The following ERCC1 variants were observed in gnomAD, a reference collection of about 807,000 sequenced individuals.
ERCC1 encodes the protein ERCC excision repair 1, endonuclease non-catalytic subunit, also known as DNA excision repair protein ERCC-1.
ERCC1 carries 36 observed loss-of-function variants against 37.6 expected under a neutral mutation model. The ratio of observed to expected loss-of-function variants is 0.96; its 90% CI spans 0.73 to 1.26. The LOEUF is 1.26. Among genes scored for constraint, ERCC1 ranks in the 50% most tolerant of loss-of-function variants. ERCC1 has a pLI of 0.00. For synonymous variants in ERCC1, 156 were observed against 162.1 expected (o/e 0.96, Z 0.28); for missense variants, 349 against 376.5 (o/e 0.93, Z 0.60).
rs1441730088 is a variant in ERCC1, at chr19:45,434,413, C to T, written c.-7-11032G>A. On this transcript the variant is annotated intron_variant, in intron 1 of 8. Transcript: ENST00000423698. ...GGCTAAGGTGGGAGGATCACTTGAG[C>T]CCAAAAATGTCAAGGCTGCAGAGGG... Among the ~76,000 whole-genome samples, 3 of 151,470 alleles carry T rather than the reference C, an allele frequency of 2.0e-5. No homozygotes were observed. The East Asian group carries it at 5.8e-4, about 29-fold the overall frequency.
chr19:45,423,486 T>G, intron 1 of ERCC1, 105 bp from the exon 2 acceptor site: 3 of 1,501,922 alleles, frequency 2.0e-6, no homozygotes, highest in Non-Finnish European at 2.7e-6. Flanking sequence ...CTCCGAGAGC[T>G]CCATAGCGTC....
At chr19:45,438,476 A>G (rs567342042) in intron 1 of ERCC1, among the ~76,000 whole-genome samples, 111 of 151,240 alleles carry the variant, frequency 7.3e-4, no homozygotes, top group African/African-American at 2.6e-3. Context: ...TTATTTATTT[A>G]TTTTAAGACA....
rs761620198 is a variant in ERCC1 at position 45,413,962 on chromosome 19, C to G, written c.774+1G>C. ...TATGGGGCAGGGGAGCCATTCCTTA[C>G]TCCAAATGTGGTCAGGAGGGTCTGA... is the stretch of plus-strand genomic sequence containing the variant. On this transcript the variant is annotated splice_donor_variant, in intron 8 of 9. Transcript: ENST00000300853. LOFTEE classifies it high-confidence loss of function. The G allele has an allele frequency of 1.2e-5, 19 of 1,613,516 alleles. No individual in the cohort carries two copies. Among genetic ancestry groups the G allele is most frequent in the Non-Finnish European group, 1.6e-5 (19 of 1,179,806 alleles).
intron 5 of ERCC1, among the ~76,000 whole-genome samples, chr19:45,417,699 T>A (rs1208101678): frequency 1.3e-5 from 2 of 152,016 alleles, no homozygotes; most frequent in Non-Finnish European, 2.9e-5. Flanking sequence ...GTGAGTTTTA[T>A]GATCTTTTTA....
chr19:45,442,630 G>C (rs1177032152), intron 1 of ERCC1, among the ~76,000 whole-genome samples: 6 of 152,148 alleles, frequency 3.9e-5, no homozygotes, highest in Admixed American at 2.6e-4. Flanking sequence ...GGTTCTGAAG[G>C]CTTTTCAAAG....
intron 7 of ERCC1, 26 bp downstream of exon 7, chr19:45,414,835 A>C (rs1332195521): frequency 4.6e-6 from 7 of 1,536,984 alleles, no homozygotes; most frequent in Non-Finnish European, 6.3e-6. Context: ...AGGCCCAGGC[A>C]GGGATGGGAG....
intron 1 of ERCC1, among the ~76,000 whole-genome samples, chr19:45,429,848 G>A (rs1481384357): frequency 6.6e-6 from 1 of 152,116 alleles, no homozygotes; most frequent in Non-Finnish European, 1.5e-5. Flanking sequence ...GCAGTGGCAT[G>A]ATCACGATTC....
At chr19:45,423,523 C>T (rs528589349) in intron 1 of ERCC1, 142 bp from the exon 2 acceptor site, 22 of 1,462,588 alleles carry the variant, frequency 1.5e-5, no homozygotes, top group East Asian at 2.5e-5. Flanking sequence ...GCGCTAGAGG[C>T]TCTGTAACGC....
intron 1 of ERCC1, among the ~76,000 whole-genome samples, chr19:45,439,617 C>A (rs1399088967): frequency 1.3e-5 from 2 of 152,268 alleles, no homozygotes; most frequent in African/African-American, 2.4e-5. Flanking sequence ...GCGATCCCTG[C>A]GGGGGCCACC....
Position 45,430,303 on chromosome 19 carries a change from C to T in ERCC1, c.-7-6922G>A, listed in dbSNP as rs561866082. ...TTGATTGCATGCTCTGTGACCGGCA[C>T]GCATGATTCTGAGCCTTATCTCCTG... is the stretch of plus-strand genomic sequence containing the variant. On this transcript the variant is annotated intron_variant, in intron 1 of 8. Transcript: ENST00000423698. 3.3e-5 allele frequency among the ~76,000 whole-genome samples: 5 copies of T among 152,300 alleles called. No homozygotes were observed. In the South Asian group the frequency reaches 6.2e-4, roughly 19 times the overall value.
At chr19:45,446,566 T>C (rs930765849) in intron 1 of ERCC1, among the ~76,000 whole-genome samples, 1 of 152,096 alleles carries the variant, frequency 6.6e-6, no homozygotes, top group Non-Finnish European at 1.5e-5. Context: ...TACCCCTCTA[T>C]TGGGACGGCT....
At chr19:45,412,760 A>G (rs1456733160) in intron 9 of ERCC1, among the ~76,000 whole-genome samples, 1 of 146,638 alleles carries the variant, frequency 6.8e-6, no homozygotes, top group Non-Finnish European at 1.5e-5. Flanking sequence ...AATTTTTGAG[A>G]TAGAGTTTCA....
intron 1 of ERCC1, among the ~76,000 whole-genome samples, chr19:45,433,570 C>T (rs1362928133): frequency 1.3e-5 from 2 of 151,928 alleles, no homozygotes; most frequent in Non-Finnish European, 2.9e-5. Flanking sequence ...CGGATGTAAT[C>T]CCAGCTACTT....
At chr19:45,439,087 A>G (rs567389213) in intron 1 of ERCC1, among the ~76,000 whole-genome samples, 61 of 152,076 alleles carry the variant, frequency 4.0e-4, no homozygotes, top group Non-Finnish European at 6.2e-4. Context: ...TCGGGAGGCT[A>G]AGGCAGGAGA....
In ERCC1 at chr19:45,407,496, G is replaced by T. The variant is rs533637524; in HGVS notation, c.*2179C>A. The T allele has an allele frequency of 8.9e-6, 4 of 450,508 alleles. No homozygotes were observed. The highest frequency in any genetic ancestry group is 1.6e-5 in the Non-Finnish European group (4 of 257,148). 27.9% of individuals were successfully genotyped at this position (450,508 alleles called of 1,614,324 possible). A position where few individuals can be genotyped will look rare whatever the true frequency, so the allele number is the denominator to read the frequency against. The stretch of plus-strand genomic sequence containing the variant: ...GAGTGTGCAGATAAGCTCACTAAAG[G>T]TAGGGGCTATTGGTGTTATCCACGA... On this transcript the variant is annotated 3_prime_UTR_variant, in exon 10 of 10. Transcript: ENST00000300853.
In ERCC1 at chr19:45,409,654, T is replaced by C. The variant is rs1301642339; in HGVS notation, c.*21A>G. On this transcript the variant is annotated 3_prime_UTR_variant, in exon 10 of 10. Coordinates refer to ENST00000300853, the MANE Select transcript of ERCC1 (RefSeq NM_001983.4). ...GGACGATTTATTATTACACTGGGGG[T>C]TTCCTTGGCAGCTGGGGTCATCAGG... 7.2e-7 allele frequency: 1 copy of C among 1,395,888 alleles called. No individual in the cohort carries two copies. Among genetic ancestry groups the C allele is most frequent in the Admixed American group, 1.7e-5 (1 of 59,098 alleles). 86.5% of individuals were successfully genotyped at this position (1,395,888 alleles called of 1,614,324 possible).
At chr19:45,433,915 G>T (rs10420725) in intron 1 of ERCC1, among the ~76,000 whole-genome samples, 1 of 150,546 alleles carries the variant, frequency 6.6e-6, no homozygotes, top group African/African-American at 2.4e-5. Context: ...GGTGGATCAC[G>T]TGAGGTCAGG....
Position 45,421,163 on chromosome 19 carries a change from C to G in ERCC1, c.321+15G>C. ...TGAAAACCTCAAGGCCTCACTTCTC[C>G]GTCTCCCTCCTCACCTGCCGAGGGC... On this transcript the variant is annotated intron_variant, in intron 3 of 9. Coordinates refer to ENST00000300853, the MANE Select transcript of ERCC1 (RefSeq NM_001983.4). 2 of 1,611,818 alleles carry G rather than the reference C, an allele frequency of 1.2e-6. No homozygotes were observed. Among genetic ancestry groups the G allele is most frequent in the Non-Finnish European group, 1.7e-6 (2 of 1,178,210 alleles).
rs1260687490 is a variant in ERCC1, at chr19:45,409,740, G to C, written c.844-15C>G. 1 of 794,096 alleles carries C rather than the reference G, an allele frequency of 1.3e-6. No homozygotes were observed. Among genetic ancestry groups the C allele is most frequent in the African/African-American group, 1.7e-5 (1 of 59,390 alleles). 49.2% of individuals were successfully genotyped at this position (794,096 alleles called of 1,614,324 possible). A position where few individuals can be genotyped will look rare whatever the true frequency, so the allele number is the denominator to read the frequency against. On this transcript the variant is annotated splice_polypyrimidine_tract_variant and intron_variant, in intron 9 of 9. Coordinates refer to ENST00000300853, the MANE Select transcript of ERCC1 (RefSeq NM_001983.4). ...AGCCTCCGGGCCTGGATGGGAGGGAGAAAAAAATGAGGAACCAGTCATTAA... is the reference window on the plus strand; with the variant it reads ...AGCCTCCGGGCCTGGATGGGAGGGACAAAAAAATGAGGAACCAGTCATTAA...
Sources: gnomAD v4.1 joint callset for allele counts (sites outside exome capture counted in the v4.1 genomes callset) on GRCh38, gnomAD v4.1.1 for gene constraint, MANE v1.5 for transcripts, NCBI Gene and HGNC (gene_info 2026-07-23, HGNC 2026-07-21) for gene names.